The following FAM135B variants were observed in gnomAD, a reference collection of about 807,000 sequenced individuals.
FAM135B encodes the protein family with sequence similarity 135 member B.
In FAM135B, 43 loss-of-function variants were observed where a neutral mutation model predicts 127.7. The observed-to-expected ratio is 0.34, with a 90% CI of 0.26 to 0.43. The LOEUF is 0.43. Among genes scored for constraint, FAM135B ranks in the 20% least tolerant of loss-of-function variants. FAM135B has a pLI of 1.00. For missense variants in FAM135B, 1,558 were observed against 1,725.6 expected (o/e 0.90, Z 1.72); for synonymous variants, 670 against 665.1 (o/e 1.01, Z -0.11).
chr8:138,145,146 G>A (rs1439041259), intron 15 of FAM135B, among the ~76,000 whole-genome samples: 2 of 152,004 alleles, frequency 1.3e-5, no homozygotes, highest in Non-Finnish European at 2.9e-5. Context: ...CTCCCAAGTA[G>A]CTGGGAATAC....
intron 7 of FAM135B, among the ~76,000 whole-genome samples, chr8:138,199,016 C>T: frequency 6.6e-6 from 1 of 152,168 alleles, no homozygotes; most frequent in South Asian, 2.1e-4. Flanking sequence ...GAATTGGTGG[C>T]ATTTCACCCT....
At chr8:138,460,343 G>A (rs1480012600) in intron 1 of FAM135B, among the ~76,000 whole-genome samples, 9 of 152,188 alleles carry the variant, frequency 5.9e-5, no homozygotes, top group Non-Finnish European at 1.5e-5. Context: ...GTGCTATGCT[G>A]CAGTGCCTGA....
At chr8:138,365,189 T>C (rs1335815782) in intron 2 of FAM135B, among the ~76,000 whole-genome samples, 1 of 152,140 alleles carries the variant, frequency 6.6e-6, no homozygotes, top group Non-Finnish European at 1.5e-5. Flanking sequence ...ATTAGAGTGG[T>C]TCCAAGTTCT....
intron 7 of FAM135B, among the ~76,000 whole-genome samples, chr8:138,200,062 T>C (rs1242137146): frequency 6.6e-6 from 1 of 152,212 alleles, no homozygotes; most frequent in Non-Finnish European, 1.5e-5. Flanking sequence ...GAGGAATGAA[T>C]GGCTCAGGTC....
At chr8:138,384,343 T>C (rs1390011728) in intron 1 of FAM135B, among the ~76,000 whole-genome samples, 4 of 139,042 alleles carry the variant, frequency 2.9e-5, no homozygotes, top group Admixed American at 7.1e-5. Context: ...CCCCATAGGC[T>C]CCATTTATTT....
At chr8:138,156,298 G>T (rs185249130) in intron 12 of FAM135B, among the ~76,000 whole-genome samples, 2 of 152,342 alleles carry the variant, frequency 1.3e-5, no homozygotes, top group African/African-American at 4.8e-5. Flanking sequence ...TTTAAGCAGT[G>T]TGTAGAGGGA....
chr8:138,431,756 C>T (rs557075618), intron 1 of FAM135B, among the ~76,000 whole-genome samples: 4 of 152,312 alleles, frequency 2.6e-5, no homozygotes, highest in African/African-American at 9.6e-5. Flanking sequence ...AGGATCCTCG[C>T]ATCTTTCCAT....
chr8:138,423,280 G>A (rs915445109), intron 1 of FAM135B, among the ~76,000 whole-genome samples: 20 of 152,076 alleles, frequency 1.3e-4, no homozygotes, highest in African/African-American at 2.4e-4. Context: ...AAAAGTTAGC[G>A]GAAAAAAAGC....
At chr8:138,163,899 G>A (rs1463376603) in intron 12 of FAM135B, among the ~76,000 whole-genome samples, 2 of 152,146 alleles carry the variant, frequency 1.3e-5, no homozygotes, top group Admixed American at 1.3e-4. Context: ...CACGGTCACA[G>A]CTCACTGTAG....
At chr8:138,350,723 G>A (rs1340289287) in intron 2 of FAM135B, among the ~76,000 whole-genome samples, 1 of 152,174 alleles carries the variant, frequency 6.6e-6, no homozygotes, top group Non-Finnish European at 1.5e-5. Context: ...TCTATTGAAG[G>A]CAAAGCTTCT....
rs776558222 is a variant in FAM135B, at chr8:138,197,496, C to A, written c.823+20G>T. The A allele has an allele frequency of 5.0e-6, 8 of 1,610,284 alleles. No individual in the cohort carries two copies. Among genetic ancestry groups the A allele is most frequent in the Admixed American group, 1.7e-5 (1 of 59,882 alleles). The stretch of plus-strand genomic sequence containing the variant: ...CACATGAGCTGCTGGGATGGGCTTG[C>A]CCCTGTCCTGGGCCCTTACCCAGCT... On this transcript the variant is annotated intron_variant, in intron 8 of 19. Coordinates refer to ENST00000395297, the MANE Select transcript of FAM135B (RefSeq NM_015912.4).
rs1829139707 is a variant in FAM135B, at chr8:138,342,711, G to A, written c.77+25196C>T. On this transcript the variant is annotated intron_variant, in intron 2 of 19. Coordinates refer to ENST00000395297, the MANE Select transcript of FAM135B (RefSeq NM_015912.4). Reference sequence around the variant, plus strand: ...AAAGATGCCACAGGCCCCCTCCAATGTCCAAGGCCTTCAGTGCTGTACAAC... The same window carrying A: ...AAAGATGCCACAGGCCCCCTCCAATATCCAAGGCCTTCAGTGCTGTACAAC... Among the ~76,000 whole-genome samples, 4 of 152,186 alleles carry A rather than the reference G, an allele frequency of 2.6e-5. No individual in the cohort carries two copies. The South Asian group carries it at 6.2e-4, about 24-fold the overall frequency.
intron 5 of FAM135B, among the ~76,000 whole-genome samples, chr8:138,253,892 C>A (rs1821887582): frequency 6.6e-6 from 1 of 152,208 alleles, no homozygotes; most frequent in Non-Finnish European, 1.5e-5. Flanking sequence ...TCCTTAAACT[C>A]AATTTATGAA....
chr8:138,398,255 G>A (rs534730705), intron 1 of FAM135B, among the ~76,000 whole-genome samples: 1 of 152,302 alleles, frequency 6.6e-6, no homozygotes, highest in African/African-American at 2.4e-5. Flanking sequence ...CCCCAGAGGG[G>A]CTCATTCAGT....
At chr8:138,223,113 T>C (rs1440745784) in intron 7 of FAM135B, among the ~76,000 whole-genome samples, 3 of 152,174 alleles carry the variant, frequency 2.0e-5, no homozygotes, top group Non-Finnish European at 4.4e-5. Flanking sequence ...AACAGTTAGT[T>C]TCTATTTCTG....
intron 1 of FAM135B, among the ~76,000 whole-genome samples, chr8:138,457,062 T>C (rs1367252170): frequency 6.8e-6 from 1 of 147,058 alleles, no homozygotes; most frequent in African/African-American, 2.5e-5. Context: ...ATTAAAAATA[T>C]AGGTGATAAA....
At chr8:138,462,866 A>G (rs947073284) in intron 1 of FAM135B, among the ~76,000 whole-genome samples, 9 of 152,206 alleles carry the variant, frequency 5.9e-5, no homozygotes, top group African/African-American at 1.9e-4. Context: ...CGCCCAGCCC[A>G]TGGCTGAGTT....
intron 7 of FAM135B, among the ~76,000 whole-genome samples, chr8:138,200,990 A>G (rs1817071289): frequency 6.6e-6 from 1 of 152,216 alleles, no homozygotes; most frequent in Admixed American, 6.5e-5. Context: ...TCAGCATGCC[A>G]CACCTGCCTC....
At chr8:138,306,705 C>T (rs1265567120) in intron 3 of FAM135B, among the ~76,000 whole-genome samples, 1 of 151,882 alleles carries the variant, frequency 6.6e-6, no homozygotes, top group African/African-American at 2.4e-5. Context: ...GTCTCAGTCC[C>T]CCAAGTAGCC....
Sources: allele counts gnomAD v4.1 joint callset (sites outside exome capture counted in the v4.1 genomes callset), GRCh38; gene constraint gnomAD v4.1.1; transcripts MANE v1.5; gene names NCBI Gene and HGNC (gene_info 2026-07-23, HGNC 2026-07-21).